Variants in ARHGEF10 observed in about 807,000 individuals in gnomAD.
ARHGEF10 encodes the protein Rho guanine nucleotide exchange factor 10.
Under a neutral mutation model 147.4 loss-of-function variants are expected in ARHGEF10, and 140 were observed. The observed-to-expected ratio is 0.95, with a 90% confidence interval of 0.83 to 1.09. ARHGEF10 has a LOEUF of 1.09. Ranked by LOEUF, ARHGEF10 falls within the 50% of genes least tolerant of loss-of-function variation. The pLI is 0.00. For synonymous variants in ARHGEF10, 902 were observed against 695.8 expected (o/e 1.30, Z -4.67); for missense variants, 2,222 against 1,752.7 (o/e 1.27, Z -4.78).
chr8:1,825,606 G>C (rs1267731345), intron 1 of ARHGEF10, among the ~76,000 whole-genome samples: 1 of 151,728 alleles, frequency 6.6e-6, no homozygotes, highest in African/African-American at 2.4e-5. Flanking sequence ...CTGCCCACCT[G>C]TCCCAGCCCC....
At chr8:1,890,343 G>A (rs1057350725) in intron 11 of ARHGEF10, among the ~76,000 whole-genome samples, 1 of 150,970 alleles carries the variant, frequency 6.6e-6, no homozygotes, top group Admixed American at 6.6e-5. Flanking sequence ...TGAGTGGGGT[G>A]AGAGTTGTGA....
intron 8 of ARHGEF10, among the ~76,000 whole-genome samples, chr8:1,878,956 G>C (rs144739200): frequency 6.6e-6 from 1 of 152,198 alleles, no homozygotes; most frequent in Non-Finnish European, 1.5e-5. Context: ...CTGGACCGGG[G>C]GTGGGAATAC....
In ARHGEF10 at chr8:1,948,074, G is replaced by A. The variant is rs746133897; in HGVS notation, c.3397+2419G>A. ...TGGCTGGGCGCTGAGCCTTCCTTGG[G>A]ACTTTTCACCCTTCAGCTCATAGTT... On this transcript the variant is annotated intron_variant, in intron 27 of 28. Coordinates refer to ENST00000349830, the MANE Select transcript of ARHGEF10 (RefSeq NM_014629.4). This position sits in a 1 kb window ranked among gnomAD's most constrained non-coding sequence, Gnocchi z 4.9. Among the ~76,000 whole-genome samples the A allele has an allele frequency of 6.6e-6, 1 of 151,972 alleles. No individual in the cohort carries two copies. Among genetic ancestry groups the A allele is most frequent in the Non-Finnish European group, 1.5e-5 (1 of 68,010 alleles).
At chr8:1,905,464 C>T (rs1810808607) in intron 16 of ARHGEF10, 107 bp from the exon 17 acceptor site, 5 of 1,390,582 alleles carry the variant, frequency 3.6e-6, no homozygotes, top group East Asian at 4.6e-5. Flanking sequence ...CCGTAAAGCG[C>T]TCAGTTTGGA....
At chr8:1,835,440 C>T (rs1023930309) in intron 1 of ARHGEF10, among the ~76,000 whole-genome samples, 2 of 152,002 alleles carry the variant, frequency 1.3e-5, no homozygotes, top group Admixed American at 6.6e-5. Context: ...GACAGGCTCC[C>T]GGCACAGGCT....
At chr8:1,838,728 C>T (rs116533729) in intron 1 of ARHGEF10, among the ~76,000 whole-genome samples, 8,697 of 151,996 alleles carry the variant, frequency 0.057, 371 homozygotes, top group African/African-American at 0.11. Flanking sequence ...AGGCCGTCCA[C>T]CGTGGGGACT....
intron 10 of ARHGEF10, among the ~76,000 whole-genome samples, chr8:1,884,220 C>T (rs1425402637): frequency 4.6e-5 from 7 of 151,880 alleles, no homozygotes; most frequent in Admixed American, 6.6e-5. Context: ...GGTGAAACCC[C>T]GTCTCTACTA....
intron 2 of ARHGEF10, among the ~76,000 whole-genome samples, chr8:1,854,911 G>C (rs1257367274): frequency 6.6e-6 from 1 of 152,070 alleles, no homozygotes; most frequent in African/African-American, 2.4e-5. Context: ...ACCTGTACCT[G>C]GCACACGGGA....
intron 26 of ARHGEF10, among the ~76,000 whole-genome samples, chr8:1,943,319 A>T (rs1239523049): frequency 6.6e-6 from 1 of 152,068 alleles, no homozygotes; most frequent in East Asian, 1.9e-4. Flanking sequence ...TTCCAGGAGG[A>T]GGGCGAGGAG....
At chr8:1,858,261 G>GTCCCCAGGT in intron 3 of ARHGEF10, 146 bp downstream of exon 3, 1 of 484,630 alleles carries the variant, frequency 2.1e-6, no homozygotes. Flanking sequence ...AGTCCCCTGG[G>GTCCCCAGGT]GGGTTCCCAG....
At chr8:1,869,046 G>T in intron 6 of ARHGEF10, 148 bp from the exon 7 acceptor site, 1 of 732,530 alleles carries the variant, frequency 1.4e-6, no homozygotes, top group East Asian at 2.6e-5. Flanking sequence ...GACAAAGAAC[G>T]AAAAAGTAAA....
At chr8:1,865,800 TCTTGGCCTTCC>T (rs1806553632) in intron 5 of ARHGEF10, among the ~76,000 whole-genome samples, 2 of 152,190 alleles carry the variant, frequency 1.3e-5, no homozygotes, top group African/African-American at 4.8e-5. Context: ...CTGCTTCCGG[TCTTGGCCTTCC>T]CAGCAGTGTC....
chr8:1,906,461 C>T (rs1810899733), intron 17 of ARHGEF10, among the ~76,000 whole-genome samples: 1 of 152,174 alleles, frequency 6.6e-6, no homozygotes, highest in Admixed American at 6.5e-5. Context: ...AGGAGCCTGT[C>T]CTCCCAGTGA....
chr8:1,943,760 G>A (rs1433937098), intron 26 of ARHGEF10: 1 of 152,178 alleles, frequency 6.6e-6, no homozygotes, highest in Non-Finnish European at 1.5e-5. Flanking sequence ...TTCAACTTGT[G>A]ATTATTGAAG....
intron 2 of ARHGEF10, among the ~76,000 whole-genome samples, chr8:1,851,677 C>T (rs77699896): frequency 6.6e-6 from 1 of 152,222 alleles, no homozygotes; most frequent in African/African-American, 2.4e-5. Context: ...CTTTGGGAGG[C>T]CGAGGCAGGA....
intron 2 of ARHGEF10, among the ~76,000 whole-genome samples, chr8:1,848,328 C>T (rs1804714782): frequency 6.6e-6 from 1 of 152,176 alleles, no homozygotes; most frequent in Non-Finnish European, 1.5e-5. Context: ...TTCTGTGATT[C>T]CTTTCTATAG....
At chr8:1,913,117 G>C (rs564348163) in intron 18 of ARHGEF10, among the ~76,000 whole-genome samples, 1 of 151,828 alleles carries the variant, frequency 6.6e-6, no homozygotes, top group Non-Finnish European at 1.5e-5. Flanking sequence ...TCGAGGTCTG[G>C]TACTAAGTAG....
At position 1,923,845 on chromosome 8, in the gene ARHGEF10, A is replaced by G; in HGVS notation, c.2459A>G (p.Asn820Ser). Residue 820 changes from asparagine (N) to serine (S), a missense_variant, in exon 21 of 29, where the codon AAC becomes AGC. Physicochemically the swap from Asn to Ser is conservative, Grantham distance 46. Coordinates refer to ENST00000349830, the MANE Select transcript of ARHGEF10 (RefSeq NM_014629.4). ...FTPAIKESWV[N>S]SLQMAKLALE... ...CCTGCCATCAAGGAGTCCTGGGTCAACAGCTTACAGATGGCCAAGCTCGCC... is the reference window on the plus strand; with the variant it reads ...CCTGCCATCAAGGAGTCCTGGGTCAGCAGCTTACAGATGGCCAAGCTCGCC... 1 of 1,614,162 alleles carries G rather than the reference A, an allele frequency of 6.2e-7. No homozygotes were observed. Among genetic ancestry groups the G allele is most frequent in the Non-Finnish European group, 8.5e-7 (1 of 1,180,012 alleles).
chr8:1,920,164 C>A (rs114945355), intron 18 of ARHGEF10, among the ~76,000 whole-genome samples: 1 of 151,598 alleles, frequency 6.6e-6, no homozygotes, highest in Middle Eastern at 3.2e-3. Context: ...AGGCTTACTG[C>A]GGAGATGTTC....
Sources: gnomAD v4.1 joint callset for allele counts (sites outside exome capture counted in the v4.1 genomes callset) on GRCh38, gnomAD v4.1.1 for gene constraint, Gnocchi (gnomAD v3.1) non-coding constraint, MANE v1.5 for transcripts, NCBI Gene and HGNC (gene_info 2026-07-23, HGNC 2026-07-21) for gene names.